POLR3B: variants seen among roughly 807,000 people sequenced by gnomAD.
POLR3B encodes RNA polymerase III subunit B, also known as DNA-directed RNA polymerase III subunit RPC2.
Under a neutral mutation model 147.4 loss-of-function variants are expected in POLR3B, and 96 were observed. That is an observed-to-expected ratio of 0.65 (90% CI 0.55 to 0.77). The LOEUF is 0.77. POLR3B is among the 30% of genes least tolerant of loss of function. The probability of loss-of-function intolerance (pLI) is 0.00; values close to 1 mark genes in which losing one functional copy is unlikely to be tolerated. For missense variants in POLR3B, 1,036 were observed against 1,413.5 expected (o/e 0.73, Z 4.28); for synonymous variants, 461 against 485.9 (o/e 0.95, Z 0.67).
At position 106,437,763 on chromosome 12, in the gene POLR3B, G is replaced by T; in HGVS notation, c.1939G>T (p.Glu647Ter). ...AAATGATTGTAACATTGCACTGTAC[G>T]AACACACAATTAATAAGTAAGTAGG... ...EENDCNIALY[E>*]HTINKDTTHL... is the part of the protein sequence containing the mutation. The change falls in exon 18 of 28, where the codon GAA (glutamate) becomes TAA (stop). Residue 647 changes from glutamate (E) to a stop codon, truncating the protein, a stop_gained. Coordinates refer to ENST00000228347, the MANE Select transcript of POLR3B (RefSeq NM_018082.6). LOFTEE classifies it high-confidence loss of function. 6.3e-7 allele frequency: 1 copy of T among 1,578,386 alleles called. No individual in the cohort carries two copies. The highest frequency in any genetic ancestry group is 1.1e-5 in the South Asian group (1 of 90,284).
intron 23 of POLR3B, among the ~76,000 whole-genome samples, chr12:106,468,224 T>C (rs573380167): frequency 1.3e-5 from 2 of 152,368 alleles, no homozygotes; most frequent in East Asian, 3.9e-4. Flanking sequence ...TTCTAGATTT[T>C]CTAGTTTATT....
intron 18 of POLR3B, among the ~76,000 whole-genome samples, chr12:106,440,079 T>TAA: frequency 6.6e-6 from 1 of 152,088 alleles, no homozygotes; most frequent in Non-Finnish European, 1.5e-5. Context: ...TAGATATAGA[T>TAA]ATGTATCCTG....
chr12:106,396,677 G>T (rs2036984030), intron 10 of POLR3B, among the ~76,000 whole-genome samples: 2 of 152,196 alleles, frequency 1.3e-5, no homozygotes, highest in African/African-American at 4.8e-5. Flanking sequence ...AGTGATACCT[G>T]ATCTAGGTTT....
chr12:106,481,209 A>T (rs1218342328), intron 23 of POLR3B, among the ~76,000 whole-genome samples: 3 of 152,134 alleles, frequency 2.0e-5, no homozygotes, highest in Non-Finnish European at 4.4e-5. Flanking sequence ...GAGGGGTTTG[A>T]GCTGGTGAGA....
chr12:106,433,651 T>C, intron 15 of POLR3B, 68 bp from the exon 16 acceptor site: 1 of 1,278,764 alleles, frequency 7.8e-7, no homozygotes. Context: ...TTTTTATTGG[T>C]TGGATATATT....
intron 9 of POLR3B, among the ~76,000 whole-genome samples, chr12:106,390,489 T>C (rs1365796314): frequency 1.3e-5 from 2 of 152,076 alleles, no homozygotes; most frequent in Non-Finnish European, 2.9e-5. Context: ...TAATCTAGTT[T>C]TGTTTGTTTA....
rs939936592 is a variant in POLR3B at position 106,442,594 on chromosome 12, A to G, written c.1956-1869A>G. ...AACCACATGGAAGGCACTTTCTCTCACCAAACTAGGGACATAATTTAATAC... is the reference window on the plus strand; with the variant it reads ...AACCACATGGAAGGCACTTTCTCTCGCCAAACTAGGGACATAATTTAATAC... On this transcript the variant is annotated intron_variant, in intron 18 of 27. Coordinates refer to ENST00000228347, the MANE Select transcript of POLR3B (RefSeq NM_018082.6). Among the ~76,000 whole-genome samples, 13 of 152,284 alleles carry G rather than the reference A, an allele frequency of 8.5e-5. No homozygotes were observed. The East Asian group carries it at 2.5e-3, about 29-fold the overall frequency.
chr12:106,408,623 C>T (rs886693887), intron 11 of POLR3B, among the ~76,000 whole-genome samples: 2 of 152,210 alleles, frequency 1.3e-5, no homozygotes, highest in Admixed American at 1.3e-4. Flanking sequence ...ATTAAAAGAT[C>T]TCCGGAGTTC....
chr12:106,396,274 C>G (rs1395799843), intron 10 of POLR3B, among the ~76,000 whole-genome samples: 2 of 152,178 alleles, frequency 1.3e-5, no homozygotes, highest in African/African-American at 4.8e-5. Flanking sequence ...GAAAACTGAA[C>G]TGCCTATCTA....
chr12:106,431,240 C>A (rs1391231177), intron 14 of POLR3B, among the ~76,000 whole-genome samples: 2 of 152,134 alleles, frequency 1.3e-5, no homozygotes, highest in Non-Finnish European at 2.9e-5. Context: ...CTGTATAGAG[C>A]TGCGATTTTT....
At chr12:106,469,550 G>A (rs1745224652) in intron 23 of POLR3B, among the ~76,000 whole-genome samples, 2 of 152,112 alleles carry the variant, frequency 1.3e-5, no homozygotes, top group African/African-American at 4.8e-5. Flanking sequence ...AGCATCGATG[G>A]TCTTTACAAT....
chr12:106,423,700 G>A (rs1335064831), intron 12 of POLR3B, among the ~76,000 whole-genome samples: 2 of 152,068 alleles, frequency 1.3e-5, no homozygotes, highest in Non-Finnish European at 2.9e-5. Context: ...TTGGTTGAGG[G>A]CGGATCTTCC....
chr12:106,370,623 G>GTTTTTT (rs2036591764), intron 6 of POLR3B, among the ~76,000 whole-genome samples: 2 of 140,372 alleles, frequency 1.4e-5, no homozygotes, highest in African/African-American at 5.3e-5. Flanking sequence ...TGTTTTTTTT[G>GTTTTTT]TTTTATTGTT....
chr12:106,441,705 A>G (rs958953315), intron 18 of POLR3B, among the ~76,000 whole-genome samples: 1 of 152,210 alleles, frequency 6.6e-6, no homozygotes, highest in Non-Finnish European at 1.5e-5. Context: ...ATATTTAGGT[A>G]GTTTCCAATT....
intron 10 of POLR3B, among the ~76,000 whole-genome samples, chr12:106,403,725 C>A (rs997154849): frequency 1.3e-5 from 2 of 149,266 alleles, no homozygotes; most frequent in Non-Finnish European, 3.0e-5. Context: ...AAACCAAACA[C>A]CACATGTTCT....
intron 12 of POLR3B, among the ~76,000 whole-genome samples, chr12:106,424,075 C>T (rs533393163): frequency 1.1e-4 from 17 of 152,154 alleles, no homozygotes; most frequent in African/African-American, 4.1e-4. Flanking sequence ...AGGCTGGTCT[C>T]AAACTCCTGA....
chr12:106,426,839 T>TCCCCCC (rs67180409), intron 12 of POLR3B, among the ~76,000 whole-genome samples: 1 of 25,290 alleles, frequency 4.0e-5, no homozygotes, highest in Non-Finnish European at 7.2e-5. Flanking sequence ...TTCTCCACCG[T>TCCCCCC]CCCCCCCCCC....
intron 9 of POLR3B, among the ~76,000 whole-genome samples, chr12:106,390,254 G>T (rs1282901216): frequency 8.6e-6 from 1 of 116,132 alleles, no homozygotes; most frequent in Non-Finnish European, 1.7e-5. Context: ...AAAACAAGCA[G>T]AAAAACTCTC....
chr12:106,499,888 C>T (rs924552094), intron 25 of POLR3B, among the ~76,000 whole-genome samples: 1 of 152,188 alleles, frequency 6.6e-6, no homozygotes, highest in African/African-American at 2.4e-5. Flanking sequence ...AGAGTGTGAT[C>T]AGGGACACCG....
Sources: gnomAD v4.1 joint callset for allele counts (sites outside exome capture counted in the v4.1 genomes callset) on GRCh38, gnomAD v4.1.1 for gene constraint, MANE v1.5 for transcripts, NCBI Gene and HGNC (gene_info 2026-07-23, HGNC 2026-07-21) for gene names.